PDE4D: variants seen among roughly 807,000 people sequenced by gnomAD.
PDE4D encodes the protein phosphodiesterase 4D.
Under a neutral mutation model 87.4 loss-of-function variants are expected in PDE4D, and 24 were observed. The observed-to-expected ratio is 0.27, with a 90% CI of 0.20 to 0.39. The LOEUF is 0.39. PDE4D is among the 10% of genes least tolerant of loss of function. The probability of loss-of-function intolerance (pLI) is 1.00; values close to 1 mark genes in which losing one functional copy is unlikely to be tolerated. For synonymous variants in PDE4D, 384 were observed against 383.2 expected (o/e 1.00, Z -0.02); for missense variants, 714 against 1,041.0 (o/e 0.69, Z 4.32).
Position 58,975,885 on chromosome 5 carries a change from T to TTA in PDE4D, c.1831-48_1831-47dup. On this transcript the variant is annotated intron_variant, in intron 13 of 14. Coordinates refer to ENST00000340635, the MANE Select transcript of PDE4D (RefSeq NM_001104631.2). The surrounding 1 kb of genome is among the most constrained non-coding windows in gnomAD (Gnocchi z 4.2). ...CTCTATTCACTCCTGTTCCTTTTTT[T>TTA]TAAAAAAAAAAACAAAAAAAACTAG... is the stretch of plus-strand genomic sequence containing the variant. 2 of 1,161,356 alleles carry TTA rather than the reference T, an allele frequency of 1.7e-6. No individual in the cohort carries two copies. Among genetic ancestry groups the TTA allele is most frequent in the Non-Finnish European group, 1.1e-6 (1 of 900,108 alleles). 71.9% of individuals were successfully genotyped at this position (1,161,356 alleles called of 1,614,324 possible). A position where few individuals can be genotyped will look rare whatever the true frequency, so the allele number is the denominator to read the frequency against.
At chr5:59,801,611 T>G (rs1015317033) in intron 1 of PDE4D, among the ~76,000 whole-genome samples, 1 of 152,228 alleles carries the variant, frequency 6.6e-6, no homozygotes, top group Non-Finnish European at 1.5e-5. Context: ...ACCAGTGGAA[T>G]AGACACAGAG....
At chr5:59,731,625 CT>C (rs1349234334) in intron 1 of PDE4D, among the ~76,000 whole-genome samples, 1 of 152,116 alleles carries the variant, frequency 6.6e-6, no homozygotes, top group African/African-American at 2.4e-5. Context: ...ACCTGCCATA[CT>C]TTTAAAACAT....
At chr5:60,413,562 T>A (rs1353767581) in intron 1 of PDE4D, among the ~76,000 whole-genome samples, 1 of 152,184 alleles carries the variant, frequency 6.6e-6, no homozygotes, top group African/African-American at 2.4e-5. Flanking sequence ...CATAAGGTAC[T>A]TTTAATATTT....
intron 1 of PDE4D, among the ~76,000 whole-genome samples, chr5:59,645,783 A>G (rs1742342602): frequency 6.6e-6 from 1 of 152,240 alleles, no homozygotes. Flanking sequence ...TTCACAAATG[A>G]AAGACATTTG....
intron 1 of PDE4D, among the ~76,000 whole-genome samples, chr5:59,410,713 G>T (rs258123): frequency 0.65 from 98,792 of 152,014 alleles, 33,034 homozygotes; most frequent in African/African-American, 0.79. Flanking sequence ...ATTGTTTATA[G>T]GTACTGCATG....
At chr5:59,786,987 G>A (rs1765246963) in intron 1 of PDE4D, among the ~76,000 whole-genome samples, 1 of 152,160 alleles carries the variant, frequency 6.6e-6, no homozygotes, top group South Asian at 2.1e-4. Flanking sequence ...CATTGGACAT[G>A]TTGACATGAA....
chr5:60,107,102 G>C (rs920985561), intron 2 of PDE4D, among the ~76,000 whole-genome samples: 1 of 152,138 alleles, frequency 6.6e-6, no homozygotes, highest in Non-Finnish European at 1.5e-5. Flanking sequence ...AAAATTGATA[G>C]ACCGCTAGCA....
intron 1 of PDE4D, among the ~76,000 whole-genome samples, chr5:59,536,123 GA>G (rs1464298317): frequency 6.6e-6 from 1 of 151,966 alleles, no homozygotes; most frequent in Non-Finnish European, 1.5e-5. Context: ...CTAAAACAAA[GA>G]ATAAAAATAC....
At chr5:59,704,169 T>C (rs1401157401) in intron 1 of PDE4D, among the ~76,000 whole-genome samples, 1 of 152,156 alleles carries the variant, frequency 6.6e-6, no homozygotes, top group African/African-American at 2.4e-5. Context: ...AATTCACCTT[T>C]ATTTATGCCA....
intron 5 of PDE4D, among the ~76,000 whole-genome samples, chr5:59,133,064 A>G (rs1004527212): frequency 2.6e-5 from 4 of 152,228 alleles, no homozygotes; most frequent in Non-Finnish European, 5.9e-5. Flanking sequence ...TTGAAAAATT[A>G]ATCTCAATTT....
intron 1 of PDE4D, among the ~76,000 whole-genome samples, chr5:60,420,628 C>G (rs140300402): frequency 6.6e-6 from 1 of 152,322 alleles, no homozygotes. Flanking sequence ...CTCCCAGCGT[C>G]ATCGATGCAG....
At chr5:59,711,014 A>G (rs1355199844) in intron 1 of PDE4D, among the ~76,000 whole-genome samples, 1 of 152,172 alleles carries the variant, frequency 6.6e-6, no homozygotes, top group Non-Finnish European at 1.5e-5. Context: ...TCCAAACCAC[A>G]GCATATTAAC....
At chr5:59,911,518 T>C (rs1176314630) in intron 3 of PDE4D, among the ~76,000 whole-genome samples, 1 of 152,188 alleles carries the variant, frequency 6.6e-6, no homozygotes, top group South Asian at 2.1e-4. Context: ...AGAGACTGAT[T>C]TGAGTAATAA....
chr5:58,991,959 T>A lies in PDE4D; in HGVS notation c.1061A>T (p.Lys354Met). 8.1e-6 allele frequency: 13 copies of A among 1,598,330 alleles called. No homozygotes were observed. The highest frequency in any genetic ancestry group is 1.1e-5 in the Non-Finnish European group (13 of 1,171,656). Reference sequence around the variant, plus strand: ...AGACATTGGTCTTTTCTTTTTCTCCTTTTCCTTCTGAGTTGGAGAAGGAAT... The same window carrying A: ...AGACATTGGTCTTTTCTTTTTCTCCATTTCCTTCTGAGTTGGAGAAGGAAT... ...VEIPSPTQKEKEKKKRPMSQI... is the reference protein window; with the variant it reads ...VEIPSPTQKEMEKKKRPMSQI... The change falls in exon 8 of 15, where the codon AAG becomes ATG. Residue 354 changes from lysine (K) to methionine (M), a missense_variant. By Grantham distance (95) the Lys-to-Met change is moderately conservative. Transcript: ENST00000340635.
intron 11 of PDE4D, among the ~76,000 whole-genome samples, chr5:58,979,641 C>A (rs1744628454): frequency 6.6e-6 from 1 of 152,096 alleles, no homozygotes; most frequent in Non-Finnish European, 1.5e-5. Context: ...CACAGAGGGG[C>A]AAAGAGGTTA....
At chr5:59,836,742 G>A (rs1742171810) in intron 1 of PDE4D, among the ~76,000 whole-genome samples, 1 of 151,920 alleles carries the variant, frequency 6.6e-6, no homozygotes, top group African/African-American at 2.4e-5. Flanking sequence ...TAGAGATAGA[G>A]CAAAAGGAGA....
At chr5:60,075,365 C>T (rs952881212) in intron 2 of PDE4D, among the ~76,000 whole-genome samples, 5 of 152,120 alleles carry the variant, frequency 3.3e-5, no homozygotes, top group African/African-American at 1.2e-4. Flanking sequence ...GTAGAGTTTC[C>T]GCTGAGAGGT....
intron 1 of PDE4D, among the ~76,000 whole-genome samples, chr5:59,448,324 C>G (rs754659798): frequency 1.3e-5 from 2 of 152,136 alleles, no homozygotes; most frequent in Non-Finnish European, 2.9e-5. Context: ...GCCTATTTCC[C>G]TTCTCCATGT....
chr5:59,091,329 A>G lies in PDE4D; in HGVS notation c.809-52358T>C, dbSNP rs1379791972. ...CTTATGTGCATCAAGATACACGCAC[A>G]TAAGTGTTCGAAATATCTTTATTCA... On this transcript the variant is annotated intron_variant, in intron 5 of 14. Coordinates refer to ENST00000340635, the MANE Select transcript of PDE4D (RefSeq NM_001104631.2). 3.3e-5 allele frequency among the ~76,000 whole-genome samples: 5 copies of G among 152,130 alleles called. No individual in the cohort carries two copies. In the South Asian group the frequency reaches 6.2e-4, roughly 19 times the overall value.
Sources: allele counts gnomAD v4.1 joint callset (sites outside exome capture counted in the v4.1 genomes callset), GRCh38; gene constraint gnomAD v4.1.1; non-coding constraint Gnocchi (gnomAD v3.1); transcripts MANE v1.5; gene names NCBI Gene and HGNC (gene_info 2026-07-23, HGNC 2026-07-21).